XKR9: variants seen among roughly 807,000 people sequenced by gnomAD.
XKR9 encodes XK related 9, also known as XK-related protein 9.
XKR9 carries 32 observed loss-of-function variants against 32.0 expected under a neutral mutation model. The ratio of observed to expected loss-of-function variants is 1.00; its 90% CI spans 0.76 to 1.34. The LOEUF (loss-of-function observed/expected upper bound fraction) is 1.34. Among genes scored for constraint, XKR9 ranks in the 40% most tolerant of loss-of-function variants. The pLI is 0.00. For missense variants in XKR9, 546 were observed against 429.7 expected, an observed-to-expected ratio of 1.27 and a Z score of -2.39; for synonymous variants, 168 against 143.4, an observed-to-expected ratio of 1.17 and a Z score of -1.22.
At chr8:70,823,892 G>A in the XKR9 span, among the ~76,000 whole-genome samples, 1 of 152,070 alleles carries the variant, frequency 6.6e-6, no homozygotes, top group Non-Finnish European at 1.5e-5. Context: ...CAACACTGAG[G>A]ATAAACTGTC....
At chr8:70,704,522 A>G (rs1012173376) in intron 3 of XKR9, among the ~76,000 whole-genome samples, 11 of 152,160 alleles carry the variant, frequency 7.2e-5, no homozygotes, top group African/African-American at 1.9e-4. Context: ...GATTGGCCCT[A>G]TTTTCCGGAT....
At chr8:70,784,209 T>A (rs1244175070) in intron 2 of XKR9, among the ~76,000 whole-genome samples, 5 of 152,180 alleles carry the variant, frequency 3.3e-5, no homozygotes, top group African/African-American at 1.2e-4. Flanking sequence ...CTATACAGAT[T>A]TTAGGATTAT....
chr8:70,675,145 G>A (rs1377861318), intron 2 of XKR9, among the ~76,000 whole-genome samples: 1 of 152,118 alleles, frequency 6.6e-6, no homozygotes, highest in Non-Finnish European at 1.5e-5. Flanking sequence ...AAGAAACGAG[G>A]GCCAGGTGCA....
chr8:70,819,311 C>T, the XKR9 span, among the ~76,000 whole-genome samples: 1 of 152,162 alleles, frequency 6.6e-6, no homozygotes, highest in Non-Finnish European at 1.5e-5. Flanking sequence ...TCTACTACTT[C>T]CTTGAAAGAA....
the XKR9 span, among the ~76,000 whole-genome samples, chr8:70,806,955 G>C: frequency 6.6e-6 from 1 of 152,004 alleles, no homozygotes. Context: ...AACCCCCAGA[G>C]ACATAATCTT....
the XKR9 span, among the ~76,000 whole-genome samples, chr8:70,844,240 C>T: frequency 3.3e-5 from 5 of 152,356 alleles, no homozygotes; most frequent in African/African-American, 1.2e-4. Flanking sequence ...GGCCAAAGTG[C>T]ATGCCACTGA....
At chr8:70,674,556 G>A (rs1818823170) in intron 1 of XKR9, among the ~76,000 whole-genome samples, 1 of 152,162 alleles carries the variant, frequency 6.6e-6, no homozygotes, top group Non-Finnish European at 1.5e-5. Flanking sequence ...TTATCCATTT[G>A]GATATGTTGT....
chr8:70,850,715 G>C, the XKR9 span, among the ~76,000 whole-genome samples: 1 of 151,616 alleles, frequency 6.6e-6, no homozygotes, highest in East Asian at 1.9e-4. Flanking sequence ...ATGCAGAAAA[G>C]GCAATAAAAT....
At chr8:70,814,939 A>G in the XKR9 span, among the ~76,000 whole-genome samples, 1 of 152,242 alleles carries the variant, frequency 6.6e-6, no homozygotes, top group Admixed American at 6.5e-5. Flanking sequence ...TAGCATTTCC[A>G]TACATCAATA....
At chr8:70,748,464 G>A (rs376829592) in intron 2 of XKR9, among the ~76,000 whole-genome samples, 1 of 152,126 alleles carries the variant, frequency 6.6e-6, no homozygotes, top group Non-Finnish European at 1.5e-5. Flanking sequence ...CTGGCTGGGT[G>A]TGTGTGCATT....
intron 2 of XKR9, among the ~76,000 whole-genome samples, chr8:70,772,202 TC>T (rs1171694953): frequency 6.6e-6 from 1 of 152,234 alleles, no homozygotes; most frequent in Non-Finnish European, 1.5e-5. Flanking sequence ...TGTATCTTAT[TC>T]ACTTCTGTGT....
the XKR9 span, among the ~76,000 whole-genome samples, chr8:71,009,010 C>T: frequency 6.6e-6 from 1 of 152,042 alleles, no homozygotes; most frequent in African/African-American, 2.4e-5. Context: ...AGAACCACTG[C>T]TATAGGGGGA....
intron 4 of XKR9, among the ~76,000 whole-genome samples, chr8:70,727,135 G>C (rs971445380): frequency 2.6e-5 from 4 of 152,098 alleles, no homozygotes; most frequent in African/African-American, 9.7e-5. Flanking sequence ...TCTTGATCTT[G>C]ATGGAGCTTA....
the XKR9 span, among the ~76,000 whole-genome samples, chr8:70,994,609 T>C: frequency 2.6e-5 from 4 of 152,144 alleles, no homozygotes; most frequent in African/African-American, 9.7e-5. Context: ...TTTCTGGATA[T>C]GAAGTTTGGT....
intron 2 of XKR9, among the ~76,000 whole-genome samples, chr8:70,772,421 A>G (rs1258007052): frequency 1.3e-5 from 2 of 152,200 alleles, no homozygotes. Context: ...TTGACCCTAC[A>G]GTGATTTTGA....
chr8:70,833,616 A>G, the XKR9 span, among the ~76,000 whole-genome samples: 1 of 152,134 alleles, frequency 6.6e-6, no homozygotes, highest in African/African-American at 2.4e-5. Flanking sequence ...TTGGCTGTGC[A>G]TTAGAACCAT....
chr8:70,703,641 A>G (rs746424170), intron 3 of XKR9, among the ~76,000 whole-genome samples: 1 of 152,118 alleles, frequency 6.6e-6, no homozygotes, highest in Non-Finnish European at 1.5e-5. Context: ...TATTGCACCT[A>G]TCTTCATGTT....
At chr8:70,796,108 T>C in the XKR9 span, among the ~76,000 whole-genome samples, 140 of 152,162 alleles carry the variant, frequency 9.2e-4, no homozygotes, top group East Asian at 3.9e-4. Context: ...TGCAGGTTTT[T>C]TGACAGAAAA....
chr8:70,748,769 A>G (rs1807093831), intron 2 of XKR9, among the ~76,000 whole-genome samples: 1 of 152,190 alleles, frequency 6.6e-6, no homozygotes, highest in African/African-American at 2.4e-5. Flanking sequence ...TGCCCAGATG[A>G]GAATTTATGG....
Sources: gnomAD v4.1 joint callset for allele counts (sites outside exome capture counted in the v4.1 genomes callset) on GRCh38, gnomAD v4.1.1 for gene constraint, MANE v1.5 for transcripts, NCBI Gene and HGNC (gene_info 2026-07-23, HGNC 2026-07-21) for gene names.